ROMO1: variants seen among roughly 807,000 people sequenced by gnomAD.
ROMO1 encodes reactive oxygen species modulator 1.
Under a neutral mutation model 7.4 loss-of-function variants are expected in ROMO1, and 8 were observed. The ratio of observed to expected loss-of-function variants is 1.08; its 90% CI spans 0.63 to 1.95. The LOEUF is 1.95. ROMO1 is among the 30% of genes most tolerant of loss of function. The pLI is 0.00. For missense variants in ROMO1, 91 were observed against 115.9 expected (o/e 0.79, Z 0.99); for synonymous variants, 43 against 41.4 (o/e 1.04, Z -0.15).
intron 2 of ROMO1, among the ~76,000 whole-genome samples, chr20:35,700,120 C>T (rs947202316): frequency 6.6e-6 from 1 of 152,120 alleles, no homozygotes; most frequent in East Asian, 1.9e-4. Context: ...ATATTAAGTG[C>T]TCAGTAACTA....
In ROMO1 at chr20:35,699,415, A is replaced by G; in HGVS notation, c.-42A>G. ...AGCGCCCTCCCCGTCGTTTTCCGTGAGAGACGTAGAGCTGAGCGACCCAGC... is the reference window on the plus strand; with the variant it reads ...AGCGCCCTCCCCGTCGTTTTCCGTGGGAGACGTAGAGCTGAGCGACCCAGC... On this transcript the variant is annotated 5_prime_UTR_variant, in exon 1 of 3. Coordinates refer to ENST00000374077, the MANE Select transcript of ROMO1 (RefSeq NM_080748.3). The surrounding 1 kb of genome is among the most constrained non-coding windows in gnomAD (Gnocchi z 4.4). 8.4e-7 allele frequency: 1 copy of G among 1,189,420 alleles called. No homozygotes were observed. The highest frequency in any genetic ancestry group is 1.1e-6 in the Non-Finnish European group (1 of 886,772). The allele number at this position is 1,189,420 out of a possible 1,614,324, so 73.7% of individuals were successfully genotyped here. A position where few individuals can be genotyped will look rare whatever the true frequency, so the allele number is the denominator to read the frequency against.
Position 35,699,773 on chromosome 20 carries a change from G to A in ROMO1, c.131+10G>A, listed in dbSNP as rs1374774444. On this transcript the variant is annotated intron_variant, in intron 2 of 2. Coordinates refer to ENST00000374077, the MANE Select transcript of ROMO1 (RefSeq NM_080748.3). This position sits in a 1 kb window ranked among gnomAD's most constrained non-coding sequence, Gnocchi z 4.4. ...CCTTTTCCTGTCTCAGGTGAGGGGC[G>A]CGGGCGGTGATCTCTGGGCAGGACA... The A allele has an allele frequency of 1.2e-6, 2 of 1,603,518 alleles. No individual in the cohort carries two copies. The highest frequency in any genetic ancestry group is 1.1e-5 in the South Asian group (1 of 90,754).
Position 35,699,865 on chromosome 20 carries a change from C to T in ROMO1, c.131+102C>T. The stretch of plus-strand genomic sequence containing the variant: ...ACACAGCCTCCTTCTTTCGACTTCC[C>T]TCTCTGTCCCCTCGCGAGCCAGACT... On this transcript the variant is annotated intron_variant, in intron 2 of 2. Coordinates refer to ENST00000374077, the MANE Select transcript of ROMO1 (RefSeq NM_080748.3). The surrounding 1 kb of genome is among the most constrained non-coding windows in gnomAD (Gnocchi z 4.4). The T allele has an allele frequency of 1.4e-6, 2 of 1,426,302 alleles. No homozygotes were observed. Among genetic ancestry groups the T allele is most frequent in the Non-Finnish European group, 1.9e-6 (2 of 1,066,654 alleles). The allele number at this position is 1,426,302 out of a possible 1,614,324, so 88.4% of individuals were successfully genotyped here. A position where few individuals can be genotyped will look rare whatever the true frequency, so the allele number is the denominator to read the frequency against.
In ROMO1 at chr20:35,699,597, C is replaced by A; in HGVS notation, c.1-36C>A. The A allele has an allele frequency of 1.2e-6, 2 of 1,608,136 alleles. No individual in the cohort carries two copies. Among genetic ancestry groups the A allele is most frequent in the South Asian group, 1.1e-5 (1 of 91,030 alleles). On this transcript the variant is annotated intron_variant, in intron 1 of 2. Coordinates refer to ENST00000374077, the MANE Select transcript of ROMO1 (RefSeq NM_080748.3). This position sits in a 1 kb window ranked among gnomAD's most constrained non-coding sequence, Gnocchi z 4.4. ...CTTCCGTCCCCGCCCGACTCTTGGG[C>A]CAGCGCCTGGGCCCACACTTTCCTA...
At position 35,699,852 on chromosome 20, in the gene ROMO1, T is replaced by C. The variant is rs1011839429; in HGVS notation, c.131+89T>C. 4.1e-6 allele frequency: 6 copies of C among 1,457,222 alleles called. No homozygotes were observed. The highest frequency in any genetic ancestry group is 2.4e-5 in the East Asian group (1 of 41,576). The allele number at this position is 1,457,222 out of a possible 1,614,324, so 90.3% of individuals were successfully genotyped here. Reference sequence around the variant, plus strand: ...GCCTGGAGCCTGAACACAGCCTCCTTCTTTCGACTTCCCTCTCTGTCCCCT... The same window carrying C: ...GCCTGGAGCCTGAACACAGCCTCCTCCTTTCGACTTCCCTCTCTGTCCCCT... On this transcript the variant is annotated intron_variant, in intron 2 of 2. Transcript: ENST00000374077. The surrounding 1 kb of genome is among the most constrained non-coding windows in gnomAD (Gnocchi z 4.4).
At position 35,700,919 on chromosome 20, in the gene ROMO1, A is replaced by G; in HGVS notation, c.*13A>G. ...CATCCGATGCTAACCATGGTTGCCA[A>G]CTACATCTGTCCCTTCCCATCAATC... On this transcript the variant is annotated 3_prime_UTR_variant, in exon 3 of 3. Transcript: ENST00000374077. The G allele has an allele frequency of 3.8e-6, 6 of 1,577,208 alleles. No homozygotes were observed. Among genetic ancestry groups the G allele is most frequent in the Non-Finnish European group, 5.2e-6 (6 of 1,146,286 alleles).
chr20:35,699,811 G>T lies in ROMO1; in HGVS notation c.131+48G>T, dbSNP rs377670288. On this transcript the variant is annotated intron_variant, in intron 2 of 2. Coordinates refer to ENST00000374077, the MANE Select transcript of ROMO1 (RefSeq NM_080748.3). This position sits in a 1 kb window ranked among gnomAD's most constrained non-coding sequence, Gnocchi z 4.4. ...TCTGGGCAGGACAACCAGACCTTCC[G>T]GCCCTGCCCCATTCGGCCTGGAGCC... 2.6e-6 allele frequency: 4 copies of T among 1,566,882 alleles called. No individual in the cohort carries two copies. Among genetic ancestry groups the T allele is most frequent in the Non-Finnish European group, 3.4e-6 (4 of 1,159,960 alleles).
At chr20:35,700,422 C>G (rs1294519764) in intron 2 of ROMO1, among the ~76,000 whole-genome samples, 1 of 152,096 alleles carries the variant, frequency 6.6e-6, no homozygotes, top group Non-Finnish European at 1.5e-5. Context: ...AATTGTAGAG[C>G]TGACTCTTGA....
chr20:35,700,883 A>G lies in ROMO1; in HGVS notation c.217A>G (p.Ile73Val), dbSNP rs755310106. The change falls in exon 3 of 3, where the codon ATT becomes GTT. Residue 73 changes from isoleucine to valine, a missense_variant. Transcript: ENST00000374077. ...SGGTFGTFMA[I>V]GMGIRC The stretch of plus-strand genomic sequence containing the variant: ...CGGCACCTTTGGCACATTCATGGCC[A>G]TTGGGATGGGCATCCGATGCTAACC... 2.5e-6 allele frequency: 4 copies of G among 1,613,920 alleles called. No individual in the cohort carries two copies. Among genetic ancestry groups the G allele is most frequent in the African/African-American group, 1.3e-5 (1 of 74,924 alleles).
intron 2 of ROMO1, among the ~76,000 whole-genome samples, 194 bp from the exon 3 acceptor site, chr20:35,700,604 A>G (rs572549876): frequency 3.3e-5 from 5 of 152,226 alleles, no homozygotes; most frequent in Admixed American, 2.0e-4. Context: ...TCCACCAGAA[A>G]AATACCCTGG....
intron 2 of ROMO1, among the ~76,000 whole-genome samples, chr20:35,700,469 AC>A (rs142072191): frequency 0.021 from 3,197 of 152,260 alleles, 112 homozygotes; most frequent in African/African-American, 0.073. Flanking sequence ...ACACCAAGAA[AC>A]TAAAAGACAG....
chr20:35,700,880 G>A lies in ROMO1; in HGVS notation c.214G>A (p.Ala72Thr). The A allele has an allele frequency of 1.9e-6, 3 of 1,613,870 alleles. No homozygotes were observed. The highest frequency in any genetic ancestry group is 2.5e-6 in the Non-Finnish European group (3 of 1,179,758). The stretch of plus-strand genomic sequence containing the variant: ...TGGCGGCACCTTTGGCACATTCATG[G>A]CCATTGGGATGGGCATCCGATGCTA... ...QSGGTFGTFM[A>T]IGMGIRC Residue 72 changes from alanine to threonine, a missense_variant, in exon 3 of 3, where the codon GCC (alanine) becomes ACC (threonine). By Grantham distance (58) the Ala-to-Thr change is moderately conservative (BLOSUM62 0). Transcript: ENST00000374077.
Position 35,700,957 on chromosome 20 carries a change from C to A in ROMO1, c.*51C>A. On this transcript the variant is annotated 3_prime_UTR_variant, in exon 3 of 3. Coordinates refer to ENST00000374077, the MANE Select transcript of ROMO1 (RefSeq NM_080748.3). The stretch of plus-strand genomic sequence containing the variant: ...CTTCCCATCAATCCCAGCCCATGTA[C>A]TAATAAAAGAAAGTCTTTGAGTAGT... 3 of 1,307,278 alleles carry A rather than the reference C, an allele frequency of 2.3e-6. No individual in the cohort carries two copies. The highest frequency in any genetic ancestry group is 3.3e-6 in the Non-Finnish European group (3 of 900,290). 81.0% of individuals were successfully genotyped at this position (1,307,278 alleles called of 1,614,324 possible). A position where few individuals can be genotyped will look rare whatever the true frequency, so the allele number is the denominator to read the frequency against.
rs772745339 is a variant in ROMO1, at chr20:35,699,788, T to C, written c.131+25T>C. ...GGTGAGGGGCGCGGGCGGTGATCTC[T>C]GGGCAGGACAACCAGACCTTCCGGC... On this transcript the variant is annotated intron_variant, in intron 2 of 2. Coordinates refer to ENST00000374077, the MANE Select transcript of ROMO1 (RefSeq NM_080748.3). The surrounding 1 kb of genome is among the most constrained non-coding windows in gnomAD (Gnocchi z 4.4). 1.1e-5 allele frequency: 17 copies of C among 1,596,776 alleles called. No homozygotes were observed. In the East Asian group the frequency reaches 3.6e-4, roughly 34 times the overall value.
intron 2 of ROMO1, among the ~76,000 whole-genome samples, chr20:35,700,052 C>G (rs1275285196): frequency 6.6e-6 from 1 of 152,152 alleles, no homozygotes; most frequent in Non-Finnish European, 1.5e-5. Context: ...AAGACAGTAG[C>G]ATCTAACTTA....
At chr20:35,700,228 G>A (rs1337627168) in intron 2 of ROMO1, among the ~76,000 whole-genome samples, 1 of 152,128 alleles carries the variant, frequency 6.6e-6, no homozygotes, top group African/African-American at 2.4e-5. Flanking sequence ...CAGAGATAAA[G>A]CAGTTAAACT....
chr20:35,700,164 T>C (rs2035232010), intron 2 of ROMO1, among the ~76,000 whole-genome samples: 1 of 152,138 alleles, frequency 6.6e-6, no homozygotes, highest in African/African-American at 2.4e-5. Context: ...TTTTTCCAAT[T>C]GCGCATAAGG....
chr20:35,699,826 G>A lies in ROMO1; in HGVS notation c.131+63G>A, dbSNP rs2035221705. ...CAGACCTTCCGGCCCTGCCCCATTC[G>A]GCCTGGAGCCTGAACACAGCCTCCT... is the stretch of plus-strand genomic sequence containing the variant. On this transcript the variant is annotated intron_variant, in intron 2 of 2. Coordinates refer to ENST00000374077, the MANE Select transcript of ROMO1 (RefSeq NM_080748.3). This position sits in a 1 kb window ranked among gnomAD's most constrained non-coding sequence, Gnocchi z 4.4. 1.3e-6 allele frequency: 2 copies of A among 1,546,052 alleles called. No homozygotes were observed. The highest frequency in any genetic ancestry group is 1.2e-5 in the South Asian group (1 of 83,728).
chr20:35,700,814 C>T lies in ROMO1; in HGVS notation c.148C>T (p.Arg50Ter). The T allele has an allele frequency of 1.9e-6, 3 of 1,614,088 alleles. No homozygotes were observed. The highest frequency in any genetic ancestry group is 2.5e-6 in the Non-Finnish European group (3 of 1,179,988). ...FSCLRIGMRG[R>*]ELMGGIGKTM... ...CCTCCTCAGGATCGGAATGCGGGGT[C>T]GAGAGCTGATGGGCGGCATTGGGAA... Residue 50 changes from arginine to a stop codon, truncating the protein, a stop_gained, in exon 3 of 3, where the codon CGA becomes TGA. Coordinates refer to ENST00000374077, the MANE Select transcript of ROMO1 (RefSeq NM_080748.3). LOFTEE classifies it high-confidence loss of function.
Sources: allele counts gnomAD v4.1 joint callset (sites outside exome capture counted in the v4.1 genomes callset), GRCh38; gene constraint gnomAD v4.1.1; non-coding constraint Gnocchi (gnomAD v3.1); transcripts MANE v1.5; gene names NCBI Gene and HGNC (gene_info 2026-07-23, HGNC 2026-07-21).